Variants in UNC13C observed in about 807,000 individuals in gnomAD.
UNC13C encodes unc-13 homolog C.
In UNC13C, 174 loss-of-function variants were observed where a neutral mutation model predicts 245.4. The observed-to-expected ratio is 0.71, with a 90% confidence interval of 0.63 to 0.80. The LOEUF is 0.80. Ranked by LOEUF, UNC13C falls within the 30% of genes least tolerant of loss-of-function variation. UNC13C has a pLI of 0.00. For synonymous variants in UNC13C, 992 were observed against 895.1 expected, an observed-to-expected ratio of 1.11 and a Z score of -1.93; for missense variants, 2,829 against 2,602.9, an observed-to-expected ratio of 1.09 and a Z score of -1.89.
At chr15:54,181,095 C>T (rs1220751958) in intron 4 of UNC13C, among the ~76,000 whole-genome samples, 1 of 151,702 alleles carries the variant, frequency 6.6e-6, no homozygotes, top group South Asian at 2.1e-4. Context: ...ATGGTGTTTT[C>T]TATGTTTTCT....
chr15:53,986,180 G>T (rs1331178202), intron 1 of UNC13C, among the ~76,000 whole-genome samples: 1 of 151,968 alleles, frequency 6.6e-6, no homozygotes, highest in Non-Finnish European at 1.5e-5. Context: ...ATTTTATGTT[G>T]GAAGAAAATT....
chr15:53,953,325 T>C, the UNC13C span, among the ~76,000 whole-genome samples: 5 of 152,220 alleles, frequency 3.3e-5, no homozygotes, highest in East Asian at 9.7e-4. Flanking sequence ...AGCAGGCAGC[T>C]AGGCTGTGCC....
At chr15:53,903,400 A>G in the UNC13C span, among the ~76,000 whole-genome samples, 7 of 152,256 alleles carry the variant, frequency 4.6e-5, no homozygotes, top group African/African-American at 1.7e-4. Flanking sequence ...TAATCTCTCA[A>G]GAGAAAATGA....
At chr15:54,538,666 T>C (rs773551213) in intron 26 of UNC13C, among the ~76,000 whole-genome samples, 10 of 151,996 alleles carry the variant, frequency 6.6e-5, no homozygotes, top group Admixed American at 2.6e-4. Flanking sequence ...TACACAGCCA[T>C]AAAAATGAAT....
chr15:54,602,498 T>C (rs921989117), intron 30 of UNC13C, among the ~76,000 whole-genome samples: 3 of 152,218 alleles, frequency 2.0e-5, no homozygotes, highest in Non-Finnish European at 4.4e-5. Flanking sequence ...GATCAGTAGA[T>C]TATATGCTTT....
chr15:54,255,336 A>T (rs1001473545), intron 8 of UNC13C, among the ~76,000 whole-genome samples: 4 of 152,260 alleles, frequency 2.6e-5, no homozygotes, highest in African/African-American at 7.2e-5. Context: ...CTTTCAGCAG[A>T]TGGGGGAGCC....
At chr15:54,061,020 T>A (rs1478126438) in intron 2 of UNC13C, among the ~76,000 whole-genome samples, 1 of 151,960 alleles carries the variant, frequency 6.6e-6, no homozygotes, top group Non-Finnish European at 1.5e-5. Context: ...TAATGCTAAA[T>A]GACGAGTTAA....
At chr15:54,363,646 A>G (rs1027340979) in intron 17 of UNC13C, among the ~76,000 whole-genome samples, 5 of 152,230 alleles carry the variant, frequency 3.3e-5, no homozygotes, top group African/African-American at 7.2e-5. Context: ...ATAAAAGTGT[A>G]TCTGACTACA....
chr15:54,556,347 G>A lies in UNC13C; in HGVS notation c.5958+835G>A, dbSNP rs562807249. On this transcript the variant is annotated intron_variant, in intron 29 of 32. Transcript: ENST00000260323. Reference sequence around the variant, plus strand: ...AACAGTTCTACTGGATAGAAACAATGGTATTCATTTCAACAGAGTTCTATC... The same window carrying A: ...AACAGTTCTACTGGATAGAAACAATAGTATTCATTTCAACAGAGTTCTATC... Among the ~76,000 whole-genome samples the A allele has an allele frequency of 1.4e-3, 216 of 152,072 alleles. 1 individual carries two copies. The highest frequency in any genetic ancestry group is 2.7e-3 in the Non-Finnish European group (185 of 67,976).
chr15:54,085,324 G>T (rs1338518288), intron 2 of UNC13C, among the ~76,000 whole-genome samples: 1 of 152,064 alleles, frequency 6.6e-6, no homozygotes, highest in South Asian at 2.1e-4. Context: ...CTTTTGACAG[G>T]CCCTTAAAGC....
chr15:54,060,345 C>G (rs1383360887), intron 2 of UNC13C, among the ~76,000 whole-genome samples: 2 of 151,766 alleles, frequency 1.3e-5, no homozygotes, highest in Admixed American at 6.6e-5. Context: ...GACATTTATG[C>G]AGCCAACAGA....
the UNC13C span, among the ~76,000 whole-genome samples, chr15:53,915,729 AT>A: frequency 6.6e-6 from 1 of 152,234 alleles, no homozygotes; most frequent in African/African-American, 2.4e-5. Context: ...ATCAGCAAAC[AT>A]TTTAAAAGTC....
intron 17 of UNC13C, among the ~76,000 whole-genome samples, chr15:54,370,912 A>T (rs1363302823): frequency 6.6e-6 from 1 of 152,130 alleles, no homozygotes; most frequent in Non-Finnish European, 1.5e-5. Context: ...ATGAAATCAC[A>T]TGTTAGTGTA....
chr15:53,880,696 C>CTTT, the UNC13C span, among the ~76,000 whole-genome samples: 178 of 141,392 alleles, frequency 1.3e-3, 3 homozygotes, highest in East Asian at 2.7e-3. Context: ...GCTTTGTCAT[C>CTTT]TTTTTTTTTT....
intron 4 of UNC13C, among the ~76,000 whole-genome samples, chr15:54,218,733 T>C (rs2035121763): frequency 6.6e-6 from 1 of 151,856 alleles, no homozygotes; most frequent in Non-Finnish European, 1.5e-5. Context: ...AAAAATGGGC[T>C]GGAGAAAAGC....
chr15:53,877,904 G>C, the UNC13C span, among the ~76,000 whole-genome samples: 1 of 152,064 alleles, frequency 6.6e-6, no homozygotes, highest in Non-Finnish European at 1.5e-5. Flanking sequence ...GGACATTCTT[G>C]AGCTTCATAT....
chr15:53,866,529 T>C, the UNC13C span, among the ~76,000 whole-genome samples: 1 of 152,204 alleles, frequency 6.6e-6, no homozygotes, highest in African/African-American at 2.4e-5. Flanking sequence ...TAAGTAACTC[T>C]TGTGAAAATA....
chr15:54,100,214 T>C (rs1386188323), intron 2 of UNC13C, among the ~76,000 whole-genome samples: 2 of 152,156 alleles, frequency 1.3e-5, no homozygotes, highest in African/African-American at 4.8e-5. Flanking sequence ...TTGTTGTCTC[T>C]ACTTCTTCAC....
chr15:54,562,085 T>C (rs1897317646), intron 29 of UNC13C, among the ~76,000 whole-genome samples: 1 of 151,824 alleles, frequency 6.6e-6, no homozygotes, highest in Admixed American at 6.6e-5. Context: ...ATGGCAGGAA[T>C]GTGGAAATCA....
Sources: gnomAD v4.1 joint callset for allele counts (sites outside exome capture counted in the v4.1 genomes callset) on GRCh38, gnomAD v4.1.1 for gene constraint, MANE v1.5 for transcripts, NCBI Gene and HGNC (gene_info 2026-07-23, HGNC 2026-07-21) for gene names.